The following SV2B variants were observed in gnomAD, a reference collection of about 807,000 sequenced individuals.
SV2B encodes the protein solute carrier family 22 member B2.
SV2B carries 41 observed loss-of-function variants against 73.9 expected under a neutral mutation model. The ratio of observed to expected loss-of-function variants is 0.56; its 90% confidence interval spans 0.43 to 0.72. The LOEUF (loss-of-function observed/expected upper bound fraction) is 0.72. Among genes scored for constraint, SV2B ranks in the 30% least tolerant of loss-of-function variants. SV2B has a pLI of 0.00. For synonymous variants in SV2B, 314 were observed against 314.2 expected (o/e 1.00, Z 0.01); for missense variants, 764 against 857.8 (o/e 0.89, Z 1.37).
At position 91,132,214 on chromosome 15, in the gene SV2B, C is replaced by G. The variant is rs2042675641; in HGVS notation, c.-392+31851C>G. 6.6e-6 allele frequency among the ~76,000 whole-genome samples: 1 copy of G among 152,210 alleles called. No homozygotes were observed. The highest frequency in any genetic ancestry group is 1.5e-5 in the Non-Finnish European group (1 of 68,036). On this transcript the variant is annotated intron_variant, in intron 1 of 12. Transcript: ENST00000394232. This position sits in a 1 kb window ranked among gnomAD's most constrained non-coding sequence, Gnocchi z 4.6. The stretch of plus-strand genomic sequence containing the variant: ...GCCCAGCTACAGAATCGTCTCGGGT[C>G]CAAATACCCTCTAGAAGTTTCCCAT...
intron 1 of SV2B, among the ~76,000 whole-genome samples, chr15:91,206,991 C>A (rs2045665675): frequency 6.6e-6 from 1 of 151,952 alleles, no homozygotes; most frequent in African/African-American, 2.4e-5. Flanking sequence ...TTGGTTGAGA[C>A]TGAGGGCAAG....
In SV2B at chr15:91,199,707, G is replaced by C. The variant is rs80233769; in HGVS notation, c.-391-26166G>C. Among the ~76,000 whole-genome samples, 9 of 152,178 alleles carry C rather than the reference G, an allele frequency of 5.9e-5. 1 individual carries two copies. The highest frequency in any genetic ancestry group is 2.0e-4 in the Admixed American group (3 of 15,286). On this transcript the variant is annotated intron_variant, in intron 1 of 12. Transcript: ENST00000394232. ...GAGACTGAGGTTTCAGTGCCCAGGT[G>C]GGGTGGGGAAGCCAGGAAATGGAAC...
Position 91,115,751 on chromosome 15 carries a change from C to T in SV2B, c.-392+15388C>T, listed in dbSNP as rs2042161796. Among the ~76,000 whole-genome samples, 1 of 152,104 alleles carries T rather than the reference C, an allele frequency of 6.6e-6. No individual in the cohort carries two copies. The highest frequency in any genetic ancestry group is 1.5e-5 in the Non-Finnish European group (1 of 68,022). On this transcript the variant is annotated intron_variant, in intron 1 of 12. Transcript: ENST00000394232. The surrounding 1 kb of genome is among the most constrained non-coding windows in gnomAD (Gnocchi z 4.3). ...CATCTCCTTGCTTGCCCTAGTCTTG[C>T]ATTTTAAGAATTAAACTATGCAAAA...
chr15:91,143,150 T>A lies in SV2B; in HGVS notation c.-392+42787T>A, dbSNP rs557487938. 1.6e-4 allele frequency among the ~76,000 whole-genome samples: 25 copies of A among 152,336 alleles called. No homozygotes were observed. In the South Asian group the frequency reaches 3.9e-3, roughly 24 times the overall value. On this transcript the variant is annotated intron_variant, in intron 1 of 12. Transcript: ENST00000394232. ...TGGGAGGTATTAATTAAGCAAAGACTGGAGGACGGCTTGGTTGGGGTGTCG... is the reference window on the plus strand; with the variant it reads ...TGGGAGGTATTAATTAAGCAAAGACAGGAGGACGGCTTGGTTGGGGTGTCG...
intron 2 of SV2B, among the ~76,000 whole-genome samples, chr15:91,235,485 C>T (rs8038425): frequency 0.38 from 57,036 of 151,942 alleles, 14,776 homozygotes; most frequent in African/African-American, 0.74. Context: ...ACCTAGCCAG[C>T]CAACCAAAAA....
chr15:91,177,524 G>A (rs201943394), intron 1 of SV2B, among the ~76,000 whole-genome samples: 356 of 131,444 alleles, frequency 2.7e-3, no homozygotes, highest in African/African-American at 3.3e-3. Context: ...CTACCCATGA[G>A]CATGGAATGT....
chr15:91,262,797 C>T (rs1055363118), intron 6 of SV2B, among the ~76,000 whole-genome samples: 1 of 152,202 alleles, frequency 6.6e-6, no homozygotes, highest in Non-Finnish European at 1.5e-5. Context: ...GATCTTCCAT[C>T]CCCGCCGACT....
At chr15:91,219,031 C>T (rs543178905) in intron 1 of SV2B, among the ~76,000 whole-genome samples, 28 of 152,216 alleles carry the variant, frequency 1.8e-4, no homozygotes, top group Admixed American at 5.2e-4. Flanking sequence ...CTCCGCCTCC[C>T]GGGTTCAAGC....
Position 91,268,600 on chromosome 15 carries a change from T to C in SV2B, c.1368T>C (p.Asn456=). The change falls in exon 9 of 13, where the codon AAT becomes AAC. Residue 456 remains asparagine, a synonymous_variant. Transcript: ENST00000394232. This position sits in a 1 kb window ranked among gnomAD's most constrained non-coding sequence, Gnocchi z 4.4. ...NQIHQHGKLV[N]DKFTRMYFKH... is the part of the protein sequence containing the mutation. ...TCCACCAACATGGGAAACTTGTGAA[T>C]GATAAGTAAGTGAGTGATCACGGGC... 6.2e-7 allele frequency: 1 copy of C among 1,612,850 alleles called. No individual in the cohort carries two copies. The highest frequency in any genetic ancestry group is 8.5e-7 in the Non-Finnish European group (1 of 1,178,978).
At chr15:91,160,042 CT>C (rs982346275) in intron 1 of SV2B, among the ~76,000 whole-genome samples, 20 of 152,230 alleles carry the variant, frequency 1.3e-4, no homozygotes, top group African/African-American at 4.6e-4. Context: ...AAACTTTAAA[CT>C]TTTACAGAAG....
intron 4 of SV2B, among the ~76,000 whole-genome samples, chr15:91,256,294 G>C (rs1056003265): frequency 6.6e-6 from 1 of 152,166 alleles, no homozygotes; most frequent in African/African-American, 2.4e-5. Flanking sequence ...GGGCCCTGAA[G>C]ATGTGCCTAA....
intron 1 of SV2B, among the ~76,000 whole-genome samples, chr15:91,181,566 C>T (rs532290056): frequency 6.6e-6 from 1 of 151,586 alleles, no homozygotes; most frequent in African/African-American, 2.4e-5. Context: ...ATGTGATGAC[C>T]TCCTTACTCA....
At position 91,251,970 on chromosome 15, in the gene SV2B, C is replaced by T. The variant is rs1416735329; in HGVS notation, c.603C>T (p.Phe201=). The change falls in exon 3 of 13, where the codon TTC becomes TTT. Residue 201 remains phenylalanine, a synonymous_variant. Transcript: ENST00000394232. ...LSSFVQGYGA[F]LFCRLISGIG... ...CCTTCGTGCAGGGATATGGAGCCTT[C>T]CTCTTCTGCCGACTCATCTCAGGCA... 6.2e-7 allele frequency: 1 copy of T among 1,613,972 alleles called. No homozygotes were observed. Among genetic ancestry groups the T allele is most frequent in the Non-Finnish European group, 8.5e-7 (1 of 1,180,016 alleles).
chr15:91,206,072 C>T (rs912434179), intron 1 of SV2B, among the ~76,000 whole-genome samples: 3 of 152,132 alleles, frequency 2.0e-5, no homozygotes, highest in African/African-American at 7.2e-5. Context: ...GGGTCTTCCT[C>T]TGTTGCCCTG....
rs558897610 is a variant in SV2B, at chr15:91,287,175, T to G, written c.1709-2346T>G. ...CTTCCCAAAGTGGGCAGAATCCAGT[T>G]GGACAGTTATCATTTCCTAGTTCAT... On this transcript the variant is annotated intron_variant, in intron 11 of 12. Transcript: ENST00000394232. Among the ~76,000 whole-genome samples the G allele has an allele frequency of 4.3e-4, 65 of 152,292 alleles. 1 individual carries two copies. The highest frequency in any genetic ancestry group is 7.8e-4 in the Non-Finnish European group (53 of 68,028).
chr15:91,151,439 G>C (rs1333621500), intron 1 of SV2B, among the ~76,000 whole-genome samples: 1 of 152,184 alleles, frequency 6.6e-6, no homozygotes, highest in Non-Finnish European at 1.5e-5. Flanking sequence ...AACCACTTTA[G>C]CCTAATCAGC....
At position 91,301,363 on chromosome 15, in the gene SV2B, G is replaced by A. The variant is rs949709562; in HGVS notation, c.*8811G>A. On this transcript the variant is annotated 3_prime_UTR_variant, in exon 13 of 13. Transcript: ENST00000394232. This position sits in a 1 kb window ranked among gnomAD's most constrained non-coding sequence, Gnocchi z 4.3. Reference sequence around the variant, plus strand: ...GTTTCATTTATCTCTCCCTTCAGATGTTTTTCCATCTGACTGTCACTGGAT... The same window carrying A: ...GTTTCATTTATCTCTCCCTTCAGATATTTTTCCATCTGACTGTCACTGGAT... The A allele has an allele frequency of 6.6e-6, 1 of 151,234 alleles. No homozygotes were observed. The highest frequency in any genetic ancestry group is 1.5e-5 in the Non-Finnish European group (1 of 67,998). The allele number at this position is 151,234 out of a possible 1,614,324, so 9.4% of individuals were successfully genotyped here.
intron 1 of SV2B, among the ~76,000 whole-genome samples, chr15:91,178,863 T>C (rs896848196): frequency 2.7e-5 from 4 of 146,830 alleles, no homozygotes; most frequent in African/African-American, 1.0e-4. Flanking sequence ...TCATTAATTT[T>C]TTGAAGGGTT....
Position 91,286,472 on chromosome 15 carries a change from C to T in SV2B, c.1708+2251C>T, listed in dbSNP as rs114771140. ...TTTATTTATGCAGTAGTTATTCTCT[C>T]AAGGCTGTGTGGGAGGCAATGGGAA... On this transcript the variant is annotated intron_variant, in intron 11 of 12. Transcript: ENST00000394232. 9.7e-3 allele frequency among the ~76,000 whole-genome samples: 1,481 copies of T among 152,250 alleles called. 31 individuals carry two copies. Among genetic ancestry groups the T allele is most frequent in the African/African-American group, 0.032 (1,329 of 41,518 alleles).
Sources: gnomAD v4.1 joint callset for allele counts (sites outside exome capture counted in the v4.1 genomes callset) on GRCh38, gnomAD v4.1.1 for gene constraint, Gnocchi (gnomAD v3.1) non-coding constraint, MANE v1.5 for transcripts, NCBI Gene and HGNC (gene_info 2026-07-23, HGNC 2026-07-21) for gene names.